Variants in GML observed in about 807,000 individuals in gnomAD.
GML encodes the protein glycosylphosphatidylinositol anchored molecule like.
GML carries 5 observed loss-of-function variants against 8.2 expected under a neutral mutation model. That is an observed-to-expected ratio of 0.61 (90% CI 0.32 to 1.28). GML has a LOEUF of 1.28. GML is among the 50% of genes most tolerant of loss of function. GML has a pLI of 0.06. For missense variants in GML, 191 were observed against 198.3 expected, an observed-to-expected ratio of 0.96 and a Z score of 0.22; for synonymous variants, 72 against 69.0, an observed-to-expected ratio of 1.04 and a Z score of -0.22.
At chr8:142,838,870 TC>T (rs1816382235) in intron 1 of GML, among the ~76,000 whole-genome samples, 1 of 152,200 alleles carries the variant, frequency 6.6e-6, no homozygotes, top group African/African-American at 2.4e-5. Context: ...CTGTGGACTT[TC>T]CAGTTTGCTG....
intron 1 of GML, among the ~76,000 whole-genome samples, chr8:142,836,187 C>T (rs1816340120): frequency 1.3e-5 from 2 of 152,190 alleles, no homozygotes; most frequent in African/African-American, 4.8e-5. Flanking sequence ...GTACACGTGG[C>T]CCAGACTTGT....
chr8:142,845,564 G>A (rs1816493539), intron 3 of GML, among the ~76,000 whole-genome samples: 1 of 152,218 alleles, frequency 6.6e-6, no homozygotes, highest in South Asian at 2.1e-4. Context: ...GTAAGTTCCA[G>A]AATAAAGTAT....
chr8:142,846,318 T>A, intron 3 of GML, 77 bp from the exon 4 acceptor site: 1 of 867,666 alleles, frequency 1.2e-6, no homozygotes, highest in Non-Finnish European at 1.9e-6. Context: ...TATGGTTGAA[T>A]GTGAGGTGTA....
At chr8:142,841,295 G>T (rs908843422) in intron 3 of GML, 70 bp downstream of exon 3, 1 of 819,654 alleles carries the variant, frequency 1.2e-6, no homozygotes. Flanking sequence ...TGGGGCCAGG[G>T]CCAGTCTGCT....
chr8:142,843,138 A>T (rs1816457902), intron 3 of GML, among the ~76,000 whole-genome samples: 1 of 152,152 alleles, frequency 6.6e-6, no homozygotes, highest in Non-Finnish European at 1.5e-5. Flanking sequence ...ACCTCTATGG[A>T]AAGAAACGCA....
chr8:142,841,033 C>A, intron 2 of GML, 85 bp from the exon 3 acceptor site: 1 of 757,266 alleles, frequency 1.3e-6, no homozygotes, highest in Non-Finnish European at 2.4e-6. Flanking sequence ...AAGGGCTGGC[C>A]GTTGAAGAAG....
Position 142,846,461 on chromosome 8 carries a change from C to T in GML, c.248C>T (p.Ala83Val). The T allele has an allele frequency of 6.2e-7, 1 of 1,611,432 alleles. No homozygotes were observed. Among genetic ancestry groups the T allele is most frequent in the Non-Finnish European group, 8.5e-7 (1 of 1,177,510 alleles). ...CTNNCTFVYAAEQPPEAPGKI... is the reference protein window; with the variant it reads ...CTNNCTFVYAVEQPPEAPGKI... ...AACAACTGCACATTTGTATATGCAGCTGAACAGCCTCCTGAAGCCCCAGGA... is the reference window on the plus strand; with the variant it reads ...AACAACTGCACATTTGTATATGCAGTTGAACAGCCTCCTGAAGCCCCAGGA... The change falls in exon 4 of 4, where the codon GCT becomes GTT. Residue 83 changes from alanine to valine, a missense_variant. Transcript: ENST00000220940.
intron 3 of GML, among the ~76,000 whole-genome samples, chr8:142,842,910 T>G (rs377744812): frequency 1.9e-4 from 29 of 152,364 alleles, no homozygotes; most frequent in African/African-American, 7.0e-4. Context: ...ATCTTCAGCC[T>G]TACCTGACTG....
intron 1 of GML, among the ~76,000 whole-genome samples, chr8:142,835,284 C>CCCAGGGT (rs76893624): frequency 0.61 from 91,912 of 151,404 alleles, 28,293 homozygotes; most frequent in East Asian, 0.85. Context: ...TTCCCTGGGG[C>CCCAGGGT]CCCCCTCCCC....
rs767181610 is a variant in GML, at chr8:142,841,111, C to T, written c.74-7C>T. ...AGAAGCCTGAAGCCTGCTTTCTCCC[C>T]TCTCAGGGACTTACAGTTTGAGATG... On this transcript the variant is annotated splice_region_variant and splice_polypyrimidine_tract_variant and intron_variant, in intron 2 of 3. Transcript: ENST00000220940. 3.0e-5 allele frequency: 42 copies of T among 1,390,482 alleles called. No homozygotes were observed. Among genetic ancestry groups the T allele is most frequent in the Admixed American group, 3.3e-5 (2 of 59,706 alleles). The allele number at this position is 1,390,482 out of a possible 1,614,324, so 86.1% of individuals were successfully genotyped here.
chr8:142,841,272 C>G, intron 3 of GML, 47 bp downstream of exon 3: 1 of 973,792 alleles, frequency 1.0e-6, no homozygotes, highest in Non-Finnish European at 1.7e-6. Context: ...TAGTCCCCTA[C>G]CTGGGTAGTT....
intron 1 of GML, among the ~76,000 whole-genome samples, chr8:142,838,720 T>A (rs1463273922): frequency 6.6e-6 from 1 of 152,180 alleles, no homozygotes; most frequent in Admixed American, 6.5e-5. Context: ...GTCTTGAGGA[T>A]CCATGCTCTG....
chr8:142,843,143 A>G (rs995581069), intron 3 of GML, among the ~76,000 whole-genome samples: 11 of 152,112 alleles, frequency 7.2e-5, no homozygotes, highest in Non-Finnish European at 1.5e-4. Flanking sequence ...TATGGAAAGA[A>G]ACGCAGGCAG....
Position 142,846,409 on chromosome 8 carries a change from G to C in GML, c.196G>C (p.Glu66Gln). 4 of 1,591,488 alleles carry C rather than the reference G, an allele frequency of 2.5e-6. No homozygotes were observed. The highest frequency in any genetic ancestry group is 3.4e-6 in the Non-Finnish European group (4 of 1,167,250). ...TCTTTTTTTAGGCATAAATTCTCGT[G>C]AACTACTTGTTTATAAGAACTGTAC... ...MTISIRINSR[E>Q]LLVYKNCTNN... The change falls in exon 4 of 4, where the codon GAA (glutamate) becomes CAA (glutamine). Residue 66 changes from glutamate to glutamine, a missense_variant. Physicochemically the swap from Glu to Gln is conservative, Grantham distance 29. Transcript: ENST00000220940.
chr8:142,839,900 G>T (rs1293775928), intron 1 of GML, among the ~76,000 whole-genome samples: 1 of 152,128 alleles, frequency 6.6e-6, no homozygotes, highest in Non-Finnish European at 1.5e-5. Context: ...GAGTTCTCTC[G>T]TAATGACACT....
chr8:142,844,447 G>A (rs1816479135), intron 3 of GML, among the ~76,000 whole-genome samples: 1 of 152,192 alleles, frequency 6.6e-6, no homozygotes, highest in African/African-American at 2.4e-5. Flanking sequence ...GAATGAAATT[G>A]ATAGGTTGAA....
chr8:142,836,945 G>A (rs373214982), intron 1 of GML, among the ~76,000 whole-genome samples: 1 of 152,276 alleles, frequency 6.6e-6, no homozygotes, highest in East Asian at 1.9e-4. Context: ...GGAAATAATT[G>A]TAATTAGGGG....
intron 1 of GML, among the ~76,000 whole-genome samples, chr8:142,838,792 T>C (rs1816378291): frequency 6.6e-6 from 1 of 152,180 alleles, no homozygotes; most frequent in Non-Finnish European, 1.5e-5. Context: ...CCAGGACCTC[T>C]TCTACTACAA....
intron 1 of GML, among the ~76,000 whole-genome samples, chr8:142,837,470 T>C (rs1816360492): frequency 6.6e-6 from 1 of 151,852 alleles, no homozygotes; most frequent in African/African-American, 2.4e-5. Context: ...GTGGTCTCAG[T>C]AGCCATCAGA....
Sources: gnomAD v4.1 joint callset for allele counts (sites outside exome capture counted in the v4.1 genomes callset) on GRCh38, gnomAD v4.1.1 for gene constraint, MANE v1.5 for transcripts, NCBI Gene and HGNC (gene_info 2026-07-23, HGNC 2026-07-21) for gene names.